PBX1: variants seen among roughly 807,000 people sequenced by gnomAD.
PBX1 encodes the protein PBX homeobox 1.
PBX1 carries 6 observed loss-of-function variants against 53.4 expected under a neutral mutation model. The ratio of observed to expected loss-of-function variants is 0.11; its 90% CI spans 0.06 to 0.22. The LOEUF (loss-of-function observed/expected upper bound fraction) is 0.22, where lower values mean the gene tolerates loss of function less well. Ranked by LOEUF, PBX1 falls within the 10% of genes least tolerant of loss-of-function variation. PBX1 has a pLI of 1.00. For missense variants in PBX1, 251 were observed against 551.4 expected, an observed-to-expected ratio of 0.46 and a Z score of 5.46; for synonymous variants, 204 against 212.3, an observed-to-expected ratio of 0.96 and a Z score of 0.34.
At chr1:164,640,135 C>T (rs1259901564) in intron 2 of PBX1, among the ~76,000 whole-genome samples, 4 of 152,116 alleles carry the variant, frequency 2.6e-5, no homozygotes, top group African/African-American at 7.2e-5. Context: ...TGAATGTTCC[C>T]CAAACAGATC....
At chr1:164,579,131 A>C (rs1654448327) in intron 2 of PBX1, among the ~76,000 whole-genome samples, 1 of 152,144 alleles carries the variant, frequency 6.6e-6, no homozygotes, top group East Asian at 1.9e-4. Flanking sequence ...GGAAGTGTGA[A>C]ATTTACCTCT....
intron 2 of PBX1, among the ~76,000 whole-genome samples, chr1:164,688,314 TAGAG>T (rs1327991341): frequency 6.6e-6 from 1 of 152,154 alleles, no homozygotes; most frequent in African/African-American, 2.4e-5. Flanking sequence ...CTCCTATAAG[TAGAG>T]AGAGTTTCTG....
rs375090982 is a variant in PBX1 at position 164,870,191 on chromosome 1, ACTTT to A, written n.258-28980_258-28977del. 5.6e-3 allele frequency among the ~76,000 whole-genome samples: 705 copies of A among 126,500 alleles called. 12 individuals carry two copies. The highest frequency in any genetic ancestry group is 0.013 in the South Asian group (46 of 3,476). 83.0% of individuals were successfully genotyped at this position (126,500 alleles called of 152,430 possible). On this transcript the variant is annotated intron_variant and non_coding_transcript_variant, in intron 2 of 2. Transcript: ENST00000558796. The stretch of plus-strand genomic sequence containing the variant: ...TTCTAAAATCACTTTTTCTCTATTG[ACTTT>A]CTTTCTTTCTTTCTTTTCTTTCTTT...
intron 5 of PBX1, among the ~76,000 whole-genome samples, chr1:164,810,698 A>C (rs1001672795): frequency 6.6e-6 from 1 of 152,230 alleles, no homozygotes; most frequent in African/African-American, 2.4e-5. Context: ...CATAAATTTC[A>C]AAGTGAAACT....
At chr1:164,591,082 G>T (rs886985825) in intron 2 of PBX1, among the ~76,000 whole-genome samples, 1 of 150,946 alleles carries the variant, frequency 6.6e-6, no homozygotes, top group African/African-American at 2.4e-5. Context: ...CATGATCTTG[G>T]CTCACTGCAT....
chr1:164,719,723 G>A (rs1032998803), intron 2 of PBX1, among the ~76,000 whole-genome samples: 2 of 152,122 alleles, frequency 1.3e-5, no homozygotes, highest in African/African-American at 4.8e-5. Context: ...CACTCTTTCT[G>A]TCATCGAATT....
At chr1:164,681,565 GGA>G in intron 2 of PBX1, among the ~76,000 whole-genome samples, 1 of 152,268 alleles carries the variant, frequency 6.6e-6, no homozygotes, top group African/African-American at 2.4e-5. Flanking sequence ...ATGCCTGTGA[GGA>G]GAGAGACTCA....
At chr1:164,679,347 A>G (rs977510831) in intron 2 of PBX1, among the ~76,000 whole-genome samples, 1 of 152,174 alleles carries the variant, frequency 6.6e-6, no homozygotes, top group African/African-American at 2.4e-5. Flanking sequence ...TACTGAGACC[A>G]TCGGCTGCTG....
In PBX1 at chr1:164,848,780, A is replaced by G. The variant is rs910933976; in HGVS notation, c.*2104A>G. 7.5e-6 allele frequency: 8 copies of G among 1,061,812 alleles called. No individual in the cohort carries two copies. In the African/African-American group the frequency reaches 1.3e-4, roughly 17 times the overall value. 65.8% of individuals were successfully genotyped at this position (1,061,812 alleles called of 1,614,324 possible). A position where few individuals can be genotyped will look rare whatever the true frequency, so the allele number is the denominator to read the frequency against. On this transcript the variant is annotated 3_prime_UTR_variant, in exon 9 of 9. Transcript: ENST00000420696. Reference sequence around the variant, plus strand: ...CCCTGAGGGGTGAGAATGGGCAGCTAGCAAGAACATGGAAATTCTGCTTGG... The same window carrying G: ...CCCTGAGGGGTGAGAATGGGCAGCTGGCAAGAACATGGAAATTCTGCTTGG...
chr1:164,687,934 C>A (rs1188045924), intron 2 of PBX1, among the ~76,000 whole-genome samples: 1 of 152,186 alleles, frequency 6.6e-6, no homozygotes, highest in Non-Finnish European at 1.5e-5. Context: ...TGCTAACTCT[C>A]CCCAGCTGTG....
At chr1:164,613,145 T>G (rs1348132458) in intron 2 of PBX1, among the ~76,000 whole-genome samples, 1 of 152,240 alleles carries the variant, frequency 6.6e-6, no homozygotes, top group Non-Finnish European at 1.5e-5. Flanking sequence ...CCATGAATAC[T>G]GTTCTGCACC....
chr1:164,845,491 G>A (rs900210262), intron 8 of PBX1, among the ~76,000 whole-genome samples: 2 of 152,136 alleles, frequency 1.3e-5, no homozygotes, highest in South Asian at 2.1e-4. Flanking sequence ...TCTGTTCAAC[G>A]TGAACTACAA....
At chr1:164,869,556 C>T (rs1022071179) in intron 2 of PBX1, among the ~76,000 whole-genome samples, 2 of 152,176 alleles carry the variant, frequency 1.3e-5, no homozygotes, top group Non-Finnish European at 2.9e-5. Flanking sequence ...TACCGAGCAC[C>T]TTCTATGTGC....
chr1:164,830,148 C>T (rs1225567524), intron 8 of PBX1, among the ~76,000 whole-genome samples: 1 of 151,752 alleles, frequency 6.6e-6, no homozygotes, highest in African/African-American at 2.4e-5. Context: ...TGATGGTGTG[C>T]AAGAGTAATA....
intron 2 of PBX1, among the ~76,000 whole-genome samples, chr1:164,720,740 T>TA (rs1397312155): frequency 2.6e-5 from 4 of 152,218 alleles, no homozygotes; most frequent in Non-Finnish European, 5.9e-5. Flanking sequence ...GCTAATGTCT[T>TA]ATTCAGTATG....
chr1:164,633,093 C>A (rs535722086), intron 2 of PBX1, among the ~76,000 whole-genome samples: 1 of 152,234 alleles, frequency 6.6e-6, no homozygotes, highest in African/African-American at 2.4e-5. Context: ...TGTAGAATGT[C>A]CTTGAATGGA....
chr1:164,841,432 G>A (rs1467446417), intron 8 of PBX1, among the ~76,000 whole-genome samples: 2 of 152,124 alleles, frequency 1.3e-5, no homozygotes, highest in Admixed American at 1.3e-4. Context: ...CCAATGGGTA[G>A]CCATTGAAGA....
chr1:164,692,496 C>A (rs1277387042), intron 2 of PBX1, among the ~76,000 whole-genome samples: 1 of 152,098 alleles, frequency 6.6e-6, no homozygotes, highest in Admixed American at 6.5e-5. Flanking sequence ...CATCCATTCC[C>A]ACCCCACCAC....
chr1:164,755,644 A>G (rs1666471341), intron 2 of PBX1, among the ~76,000 whole-genome samples: 1 of 152,088 alleles, frequency 6.6e-6, no homozygotes, highest in South Asian at 2.1e-4. Context: ...CTCTGTCGGC[A>G]GTGAGGTAAA....
Sources: gnomAD v4.1 joint callset for allele counts (sites outside exome capture counted in the v4.1 genomes callset) on GRCh38, gnomAD v4.1.1 for gene constraint, MANE v1.5 for transcripts, NCBI Gene and HGNC (gene_info 2026-07-23, HGNC 2026-07-21) for gene names.